Variants in UIMC1 observed in about 807,000 individuals in gnomAD.
The protein encoded by UIMC1 is BRCA1-A complex subunit RAP80.
In UIMC1, 42 loss-of-function variants were observed where a neutral mutation model predicts 84.9. The ratio of observed to expected loss-of-function variants is 0.49; its 90% confidence interval spans 0.39 to 0.64. The LOEUF (loss-of-function observed/expected upper bound fraction) is 0.64, where lower values mean the gene tolerates loss of function less well. Ranked by LOEUF, UIMC1 falls within the 30% of genes least tolerant of loss-of-function variation. The probability of loss-of-function intolerance (pLI) is 0.00; values close to 1 mark genes in which losing one functional copy is unlikely to be tolerated. For synonymous variants in UIMC1, 281 were observed against 293.0 expected (o/e 0.96, Z 0.42); for missense variants, 825 against 847.6 (o/e 0.97, Z 0.33).
intron 10 of UIMC1, among the ~76,000 whole-genome samples, chr5:176,912,236 A>G (rs1760308332): frequency 1.3e-5 from 2 of 152,248 alleles, no homozygotes; most frequent in East Asian, 3.8e-4. Context: ...TTGGTAGGAC[A>G]TATGGTCTCT....
chr5:176,986,678 A>G (rs1443397867), intron 1 of UIMC1, among the ~76,000 whole-genome samples: 1 of 152,136 alleles, frequency 6.6e-6, no homozygotes, highest in East Asian at 1.9e-4. Flanking sequence ...CTGTCTCTAC[A>G]AAAAATTAAA....
chr5:176,929,564 CA>C (rs59362401), intron 10 of UIMC1, among the ~76,000 whole-genome samples: 21 of 140,978 alleles, frequency 1.5e-4, no homozygotes, highest in Non-Finnish European at 1.6e-4. Context: ...GACTCCGTCT[CA>C]AAAAAAAAAA....
chr5:176,962,071 A>G (rs1171825262), intron 6 of UIMC1, among the ~76,000 whole-genome samples: 65 of 12,120 alleles, frequency 5.4e-3, no homozygotes, highest in African/African-American at 7.0e-3. Context: ...CCTACTGGGA[A>G]GTGAGGAGCC....
At position 177,006,752 on chromosome 5, in the gene UIMC1, A is replaced by G. The variant is rs973585586; in HGVS notation, c.-111T>C. 6.6e-6 allele frequency: 1 copy of G among 152,200 alleles called. No homozygotes were observed. Among genetic ancestry groups the G allele is most frequent in the Non-Finnish European group, 1.5e-5 (1 of 68,060 alleles). The allele number at this position is 152,200 out of a possible 1,614,324, so 9.4% of individuals were successfully genotyped here. On this transcript the variant is annotated 5_prime_UTR_variant, in exon 1 of 15. Coordinates refer to ENST00000511320, the MANE Select transcript of UIMC1 (RefSeq NM_001199298.2). ...GGAGGGGGAGGGGCGCGCGCGTCCG[A>G]TGCCAGAGACACGCTCTCGGGGCGG...
chr5:176,940,879 AATT>A (rs1173142120), intron 10 of UIMC1, among the ~76,000 whole-genome samples: 2 of 152,192 alleles, frequency 1.3e-5, no homozygotes, highest in Non-Finnish European at 2.9e-5. Flanking sequence ...TGAACAAGGT[AATT>A]ATTATTATTT....
At chr5:176,949,720 G>C (rs1428425096) in intron 9 of UIMC1, among the ~76,000 whole-genome samples, 1 of 152,198 alleles carries the variant, frequency 6.6e-6, no homozygotes, top group Non-Finnish European at 1.5e-5. Context: ...GTTACCTGCA[G>C]CGCAGAGACC....
At chr5:177,018,218 G>A (rs1168108476) in intron 1 of UIMC1, among the ~76,000 whole-genome samples, 2 of 151,938 alleles carry the variant, frequency 1.3e-5, no homozygotes, top group East Asian at 1.9e-4. Context: ...TGGTGTGGTG[G>A]TGCACACCTG....
intron 1 of UIMC1, among the ~76,000 whole-genome samples, chr5:177,001,778 A>C (rs1309173060): frequency 3.2e-4 from 47 of 147,026 alleles, no homozygotes; most frequent in East Asian, 3.9e-4. Context: ...GCTCTACTAA[A>C]AAAAAAAAAA....
chr5:176,996,897 G>C (rs1773687303), intron 1 of UIMC1, among the ~76,000 whole-genome samples: 1 of 152,124 alleles, frequency 6.6e-6, no homozygotes, highest in South Asian at 2.1e-4. Flanking sequence ...CATGAAATAA[G>C]ACAGCCATAG....
At chr5:176,931,688 G>A (rs1007904919) in intron 10 of UIMC1, among the ~76,000 whole-genome samples, 1 of 152,228 alleles carries the variant, frequency 6.6e-6, no homozygotes, top group Non-Finnish European at 1.5e-5. Flanking sequence ...AACAAAAGTT[G>A]TTAGAAGACA....
rs373105515 is a variant in UIMC1, at chr5:176,958,170, T to C, written c.1201-16A>G. On this transcript the variant is annotated splice_polypyrimidine_tract_variant and intron_variant, in intron 6 of 14. Transcript: ENST00000511320. ...CTTGGGAAGACTGCAAAGAAATACG[T>C]AGTATCTTAAATATACAGGCACAGG... 8.8e-5 allele frequency: 141 copies of C among 1,610,948 alleles called. No homozygotes were observed. In the African/African-American group the frequency reaches 1.7e-3, roughly 19 times the overall value.
chr5:176,976,227 A>T (rs1184433079), intron 2 of UIMC1, among the ~76,000 whole-genome samples: 2 of 152,182 alleles, frequency 1.3e-5, no homozygotes, highest in African/African-American at 2.4e-5. Context: ...GAGCAGATGG[A>T]TCGCTTGAAC....
intron 9 of UIMC1, among the ~76,000 whole-genome samples, chr5:176,944,258 G>GAAGCACCA (rs1764811167): frequency 6.6e-6 from 1 of 152,188 alleles, no homozygotes; most frequent in African/African-American, 2.4e-5. Context: ...ACATACTTAA[G>GAAGCACCA]AAGCACCAAA....
chr5:177,013,374 AC>A (rs1775600609), intron 1 of UIMC1, among the ~76,000 whole-genome samples: 1 of 135,246 alleles, frequency 7.4e-6, no homozygotes, highest in South Asian at 3.1e-4. Context: ...ACACACACAC[AC>A]ACACACACAC....
At chr5:176,932,238 G>T (rs1216274731) in intron 10 of UIMC1, among the ~76,000 whole-genome samples, 1 of 152,174 alleles carries the variant, frequency 6.6e-6, no homozygotes, top group Admixed American at 6.5e-5. Context: ...CTTTATAGCT[G>T]ATAAGACCTA....
chr5:177,001,927 G>A (rs1774543908), intron 1 of UIMC1: 1 of 143,718 alleles, frequency 7.0e-6, no homozygotes, highest in African/African-American at 2.6e-5. Context: ...TCCAGCCTGG[G>A]CGACAGAGCG....
Position 177,006,753 on chromosome 5 carries a change from T to A in UIMC1, c.-112A>T, listed in dbSNP as rs1029548957. 2.5e-4 allele frequency: 38 copies of A among 152,222 alleles called. No individual in the cohort carries two copies. Among genetic ancestry groups the A allele is most frequent in the African/African-American group, 8.9e-4 (37 of 41,552 alleles). 9.4% of individuals were successfully genotyped at this position (152,222 alleles called of 1,614,324 possible). On this transcript the variant is annotated 5_prime_UTR_variant, in exon 1 of 15. Coordinates refer to ENST00000511320, the MANE Select transcript of UIMC1 (RefSeq NM_001199298.2). ...GAGGGGGAGGGGCGCGCGCGTCCGATGCCAGAGACACGCTCTCGGGGCGGG... is the reference window on the plus strand; with the variant it reads ...GAGGGGGAGGGGCGCGCGCGTCCGAAGCCAGAGACACGCTCTCGGGGCGGG...
upstream of UIMC1, among the ~76,000 whole-genome samples, chr5:177,006,988 A>G (rs1392390021): frequency 6.6e-6 from 1 of 152,214 alleles, no homozygotes; most frequent in Admixed American, 6.5e-5. Flanking sequence ...TTTTGAGGAC[A>G]ATTCCGTGTG....
At chr5:176,955,306 C>T (rs1766455899) in intron 8 of UIMC1, among the ~76,000 whole-genome samples, 1 of 152,118 alleles carries the variant, frequency 6.6e-6, no homozygotes, top group Non-Finnish European at 1.5e-5. Context: ...AAAAAGCAAA[C>T]TAAAGCACTT....
Sources: gnomAD v4.1 joint callset for allele counts (sites outside exome capture counted in the v4.1 genomes callset) on GRCh38, gnomAD v4.1.1 for gene constraint, MANE v1.5 for transcripts, NCBI Gene and HGNC (gene_info 2026-07-23, HGNC 2026-07-21) for gene names.